Variants in ASTN1 observed in about 807,000 individuals in gnomAD.
ASTN1 encodes astrotactin-1.
In ASTN1, 41 loss-of-function variants were observed where a neutral mutation model predicts 140.7. That is an observed-to-expected ratio of 0.29 (90% confidence interval 0.23 to 0.38). The LOEUF is 0.38. Ranked by LOEUF, ASTN1 falls within the 10% of genes least tolerant of loss-of-function variation. ASTN1 has a pLI of 1.00. For synonymous variants in ASTN1, 640 were observed against 652.2 expected, an observed-to-expected ratio of 0.98 and a Z score of 0.29; for missense variants, 1,479 against 1,678.8, an observed-to-expected ratio of 0.88 and a Z score of 2.08.
In ASTN1 at chr1:176,861,847, G is replaced by C; in HGVS notation, c.*2437C>G. 1 of 985,306 alleles carries C rather than the reference G, an allele frequency of 1.0e-6. No homozygotes were observed. Among genetic ancestry groups the C allele is most frequent in the Middle Eastern group, 5.2e-4 (1 of 1,916 alleles). The allele number at this position is 985,306 out of a possible 1,614,324, so 61.0% of individuals were successfully genotyped here. ...AGGTAGAGGAACTTGGGAGACTGAG[G>C]GAAAGATAGGAGAGAGGAAGATAGT... is the stretch of plus-strand genomic sequence containing the variant. On this transcript the variant is annotated 3_prime_UTR_variant, in exon 23 of 23. Coordinates refer to ENST00000361833, the MANE Select transcript of ASTN1 (RefSeq NM_004319.3).
At chr1:177,163,115 G>A (rs1647484017) in intron 1 of ASTN1, among the ~76,000 whole-genome samples, 1 of 152,174 alleles carries the variant, frequency 6.6e-6, no homozygotes, top group Non-Finnish European at 1.5e-5. Flanking sequence ...AGAGGGATGT[G>A]TTAGAATTCC....
At position 176,984,734 on chromosome 1, in the gene ASTN1, G is replaced by C. The variant is rs74693423; in HGVS notation, c.1524-19497C>G. Among the ~76,000 whole-genome samples the C allele has an allele frequency of 4.5e-3, 689 of 152,214 alleles. 7 individuals carry two copies. The highest frequency in any genetic ancestry group is 0.016 in the African/African-American group (653 of 41,520). On this transcript the variant is annotated intron_variant, in intron 8 of 22. Coordinates refer to ENST00000361833, the MANE Select transcript of ASTN1 (RefSeq NM_004319.3). The stretch of plus-strand genomic sequence containing the variant: ...ACTTATACTTCTTATTTTCCAGTCT[G>C]CCTTTCTGCGACAAAACAGGGCAAG...
At chr1:177,003,994 A>G (rs1022328614) in intron 8 of ASTN1, among the ~76,000 whole-genome samples, 5 of 152,084 alleles carry the variant, frequency 3.3e-5, no homozygotes, top group Admixed American at 1.3e-4. Flanking sequence ...CAAGACAAAG[A>G]AAAAAAGGGC....
chr1:177,025,714 T>C (rs1363183102), intron 5 of ASTN1, among the ~76,000 whole-genome samples: 3 of 152,238 alleles, frequency 2.0e-5, no homozygotes, highest in African/African-American at 7.2e-5. Flanking sequence ...ATTTGCTTTC[T>C]TACAATAAGC....
intron 2 of ASTN1, among the ~76,000 whole-genome samples, chr1:177,060,494 C>A (rs1678029823): frequency 6.6e-6 from 1 of 152,136 alleles, no homozygotes; most frequent in African/African-American, 2.4e-5. Context: ...CCATCTATGA[C>A]AATCTATTAG....
At chr1:176,956,426 C>A (rs1461158352) in intron 11 of ASTN1, among the ~76,000 whole-genome samples, 1 of 152,132 alleles carries the variant, frequency 6.6e-6, no homozygotes, top group African/African-American at 2.4e-5. Flanking sequence ...AGAACAGGTG[C>A]TCAGTGATGG....
intron 16 of ASTN1, among the ~76,000 whole-genome samples, chr1:176,923,506 C>T (rs966157690): frequency 2.0e-5 from 3 of 152,082 alleles, no homozygotes; most frequent in Non-Finnish European, 2.9e-5. Flanking sequence ...TTGTTTTCTG[C>T]CACTTCAGCT....
intron 2 of ASTN1, among the ~76,000 whole-genome samples, chr1:177,057,160 C>A (rs2102025104): frequency 6.6e-6 from 1 of 152,202 alleles, no homozygotes; most frequent in Admixed American, 6.5e-5. Context: ...AGAAATGGTA[C>A]CTCTTTGGAA....
intron 8 of ASTN1, among the ~76,000 whole-genome samples, chr1:176,972,419 G>T (rs1233028037): frequency 6.6e-6 from 1 of 152,216 alleles, no homozygotes; most frequent in Non-Finnish European, 1.5e-5. Flanking sequence ...AGTTTAACCA[G>T]TGTGGAAGTG....
chr1:177,048,775 T>A (rs575362834), intron 2 of ASTN1, among the ~76,000 whole-genome samples: 1 of 152,250 alleles, frequency 6.6e-6, no homozygotes, highest in Admixed American at 6.5e-5. Context: ...TAACAGTATG[T>A]CTAGAGAGAC....
At chr1:176,952,762 C>T (rs189465182) in intron 11 of ASTN1, among the ~76,000 whole-genome samples, 1 of 152,178 alleles carries the variant, frequency 6.6e-6, no homozygotes, top group Non-Finnish European at 1.5e-5. Context: ...GAGAAGCATG[C>T]ATTTTCTGTT....
chr1:176,884,509 G>C lies in ASTN1; in HGVS notation c.3075-19C>G, dbSNP rs1281171425. ...TCTCAGCCTGTGTGCAGACAGGAAG[G>C]AACATGAAACAGGGACACAACTGTG... is the stretch of plus-strand genomic sequence containing the variant. On this transcript the variant is annotated intron_variant, in intron 18 of 22. Transcript: ENST00000361833. 2.1e-5 allele frequency: 33 copies of C among 1,589,430 alleles called. No individual in the cohort carries two copies. The highest frequency in any genetic ancestry group is 2.8e-5 in the Non-Finnish European group (33 of 1,161,022).
chr1:176,960,527 C>T (rs1672613804), intron 9 of ASTN1, among the ~76,000 whole-genome samples: 1 of 152,188 alleles, frequency 6.6e-6, no homozygotes, highest in South Asian at 2.1e-4. Context: ...GCCCATCCAT[C>T]TCACAGTTTT....
chr1:177,102,904 T>A (rs1019542390), intron 1 of ASTN1, among the ~76,000 whole-genome samples: 1 of 152,298 alleles, frequency 6.6e-6, no homozygotes, highest in East Asian at 1.9e-4. Context: ...AAACCAGATA[T>A]ATTGCTTTGA....
chr1:176,986,763 C>A (rs1673927327), intron 8 of ASTN1, among the ~76,000 whole-genome samples: 1 of 152,130 alleles, frequency 6.6e-6, no homozygotes, highest in African/African-American at 2.4e-5. Flanking sequence ...TAATGCCATT[C>A]ACCTTATTGG....
intron 1 of ASTN1, among the ~76,000 whole-genome samples, chr1:177,063,425 G>A (rs930259159): frequency 2.0e-5 from 3 of 152,048 alleles, no homozygotes; most frequent in Admixed American, 6.6e-5. Context: ...GTGTGAGGAC[G>A]GACAATCCCC....
intron 1 of ASTN1, among the ~76,000 whole-genome samples, chr1:177,152,459 C>A (rs994506904): frequency 6.6e-6 from 1 of 151,714 alleles, no homozygotes; most frequent in African/African-American, 2.4e-5. Context: ...GGAAACATTC[C>A]TTTTACAAAA....
At chr1:176,965,376 A>G (rs534077689) in intron 8 of ASTN1, 139 bp from the exon 9 acceptor site, 11 of 675,470 alleles carry the variant, frequency 1.6e-5, no homozygotes, top group African/African-American at 9.0e-5. Context: ...GCTCACTAAT[A>G]TGAGCTCACA....
rs74127295 is a variant in ASTN1, at chr1:177,079,397, A to T, written c.284-18132T>A. Among the ~76,000 whole-genome samples the T allele has an allele frequency of 8.2e-3, 1,254 of 152,296 alleles. 23 individuals carry two copies. The highest frequency in any genetic ancestry group is 0.029 in the African/African-American group (1,202 of 41,558). ...CTTTCAGCCTGCACATCCCTTAATT[A>T]TGAGAGTTATTACAAAATGTCTTAA... On this transcript the variant is annotated intron_variant, in intron 1 of 22. Coordinates refer to ENST00000361833, the MANE Select transcript of ASTN1 (RefSeq NM_004319.3).
Sources: allele counts gnomAD v4.1 joint callset (sites outside exome capture counted in the v4.1 genomes callset), GRCh38; gene constraint gnomAD v4.1.1; transcripts MANE v1.5; gene names NCBI Gene and HGNC (gene_info 2026-07-23, HGNC 2026-07-21).